Variants in GAB3 observed in about 807,000 individuals in gnomAD.
GAB3 encodes GRB2 associated binding protein 3.
In GAB3, 12 loss-of-function variants were observed where a neutral mutation model predicts 40.4. That is an observed-to-expected ratio of 0.30 (90% CI 0.19 to 0.48). GAB3 has a LOEUF of 0.48. Ranked by LOEUF, GAB3 falls within the 20% of genes least tolerant of loss-of-function variation. The pLI, the probability that GAB3 is intolerant of heterozygous loss-of-function variation, is 0.99. For missense variants in GAB3, 381 were observed against 461.9 expected, an observed-to-expected ratio of 0.82 and a Z score of 1.61; for synonymous variants, 154 against 176.7, an observed-to-expected ratio of 0.87 and a Z score of 1.02.
chrX:154,697,087 G>A (rs782296400), intron 7 of GAB3, 45 bp downstream of exon 7: 51 of 1,018,943 alleles, frequency 5.0e-5, no homozygotes, highest in Non-Finnish European at 6.8e-5. Context: ...AACACACACC[G>A]GGGTGTCTGT....
rs782207841 is a variant in GAB3 at position 154,747,758 on chromosome X, TA to T, written c.72+3195del. On this transcript the variant is annotated intron_variant, in intron 1 of 9. Coordinates refer to ENST00000424127, the MANE Select transcript of GAB3 (RefSeq NM_001081573.3). ...GTCAAGGCTGGGTGACAAAGGATCT[TA>T]GGCTAGATGAAGAGTTGTTAGATTT... is the stretch of plus-strand genomic sequence containing the variant. 1.1e-3 allele frequency among the ~76,000 whole-genome samples: 128 copies of T among 112,358 alleles called. No individual in the cohort carries two copies. The Middle Eastern group carries it at 0.037, about 33-fold the overall frequency.
At chrX:154,728,776 C>T (rs2071250466) in intron 1 of GAB3, among the ~76,000 whole-genome samples, 1 of 112,128 alleles carries the variant, frequency 8.9e-6, no homozygotes, top group Non-Finnish European at 1.9e-5. Flanking sequence ...CATCTTGGTC[C>T]CTAAAGTACC....
intron 5 of GAB3, 96 bp downstream of exon 5, chrX:154,699,908 C>G: frequency 1.4e-6 from 1 of 714,212 alleles, no homozygotes; most frequent in Non-Finnish European, 2.2e-6. Context: ...CTCAGAGACT[C>G]AGAGTGCTGA....
At chrX:154,709,863 G>A (rs1161100821) in intron 4 of GAB3, among the ~76,000 whole-genome samples, 3 of 111,623 alleles carry the variant, frequency 2.7e-5, no homozygotes, top group East Asian at 2.8e-4. Context: ...AATACTGCAC[G>A]ATTTCACTTA....
At position 154,716,069 on chromosome X, in the gene GAB3, G is replaced by A. The variant is rs782195752; in HGVS notation, c.333C>T (p.Ser111=). The A allele has an allele frequency of 6.6e-6, 8 of 1,212,179 alleles. No individual in the cohort carries two copies. In the South Asian group the frequency reaches 1.2e-4, roughly 19 times the overall value. The change falls in exon 2 of 10, where the codon AGC becomes AGT. Residue 111 remains serine, a synonymous_variant. Coordinates refer to ENST00000424127, the MANE Select transcript of GAB3 (RefSeq NM_001081573.3). ...GGCCAAGGTTGCAGACCTGACTGAT[G>A]CTGTGCACCCACACCTGCATTTCTT... is the stretch of plus-strand genomic sequence containing the variant. The part of the protein sequence containing the change: ...TEQEMQVWVH[S]ISQVCNLGHL...
At chrX:154,709,477 C>CG (rs1557254953) in intron 4 of GAB3, among the ~76,000 whole-genome samples, 33 of 109,418 alleles carry the variant, frequency 3.0e-4, no homozygotes, top group Admixed American at 9.8e-5. Context: ...CCCGCCACCA[C>CG]ACTGGGTAAT....
chrX:154,728,915 G>A (rs1328985630), intron 1 of GAB3, among the ~76,000 whole-genome samples: 6 of 112,115 alleles, frequency 5.4e-5, no homozygotes, highest in Admixed American at 9.4e-5. Flanking sequence ...TTCAGTATTG[G>A]TTTCAGTGGT....
chrX:154,741,696 A>AAT (rs61095751), intron 1 of GAB3, among the ~76,000 whole-genome samples: 1 of 107,931 alleles, frequency 9.3e-6, no homozygotes. Flanking sequence ...AAAAAAAAAA[A>AAT]GGAAAAGAGG....
Position 154,716,017 on chromosome X carries a change from C to A in GAB3, c.376+9G>T. ...CCTTAGCACATGGGAGCCCCAACTC[C>A]GCTCTTACCTGCACCATCCTCCAGG... On this transcript the variant is annotated intron_variant, in intron 2 of 9. Transcript: ENST00000424127. The A allele has an allele frequency of 8.3e-7, 1 of 1,200,587 alleles. No homozygotes were observed. Among genetic ancestry groups the A allele is most frequent in the Non-Finnish European group, 1.1e-6 (1 of 888,243 alleles).
At chrX:154,679,001 A>G (rs782425290) in intron 9 of GAB3, 1 of 251,450 alleles carries the variant, frequency 4.0e-6, no homozygotes, top group African/African-American at 2.9e-5. Flanking sequence ...TTATTAAAAA[A>G]TAAAAAACAG....
chrX:154,685,107 T>C (rs1004034518), intron 8 of GAB3, among the ~76,000 whole-genome samples: 3 of 112,310 alleles, frequency 2.7e-5, no homozygotes, highest in Admixed American at 9.5e-5. Context: ...CTTGTTTTTA[T>C]TTCTACAAGT....
Position 154,715,955 on chromosome X carries a change from C to T in GAB3, c.376+71G>A, listed in dbSNP as rs6571263. The T allele has an allele frequency of 9.1e-3, 9,303 of 1,021,492 alleles. 521 individuals are homozygous for T. In the African/African-American group the frequency reaches 0.16, roughly 17 times the overall value. 84.2% of individuals were successfully genotyped at this position (1,021,492 alleles called of 1,213,427 possible). A position where few individuals can be genotyped will look rare whatever the true frequency, so the allele number is the denominator to read the frequency against. On this transcript the variant is annotated intron_variant, in intron 2 of 9. Transcript: ENST00000424127. ...AAGGAGGCAGGCTTGGCATCTTGAA[C>T]TGTTTTTCTGCAGTAACCCTCCAGT...
intron 1 of GAB3, among the ~76,000 whole-genome samples, chrX:154,729,529 C>T (rs1262592472): frequency 1.8e-5 from 2 of 111,624 alleles, no homozygotes; most frequent in Non-Finnish European, 3.8e-5. Flanking sequence ...GTGGCAGTAG[C>T]AGACAAGTTG....
intron 1 of GAB3, among the ~76,000 whole-genome samples, chrX:154,716,875 A>G (rs2071054540): frequency 8.9e-6 from 1 of 111,951 alleles, no homozygotes; most frequent in East Asian, 2.8e-4. Flanking sequence ...ATTGTCTTCC[A>G]TAAAACCCCC....
chrX:154,687,919 G>A (rs2070484040), intron 8 of GAB3, among the ~76,000 whole-genome samples: 1 of 112,057 alleles, frequency 8.9e-6, no homozygotes, highest in Non-Finnish European at 1.9e-5. Context: ...ATTCAATGAA[G>A]AAAGGATTAT....
chrX:154,741,752 A>G (rs2071445910), intron 1 of GAB3, among the ~76,000 whole-genome samples: 2 of 110,542 alleles, frequency 1.8e-5, no homozygotes, highest in African/African-American at 6.6e-5. Context: ...GGGAGGCCTC[A>G]GGAAATGTAC....
At chrX:154,741,650 T>C (rs1405537086) in intron 1 of GAB3, among the ~76,000 whole-genome samples, 1 of 83,242 alleles carries the variant, frequency 1.2e-5, no homozygotes, top group East Asian at 3.6e-4. Context: ...CACTCTAGCC[T>C]GGGCAACAGA....
In GAB3 at chrX:154,699,305, G is replaced by A; in HGVS notation, c.1334C>T (p.Pro445Leu). The A allele has an allele frequency of 9.9e-6, 12 of 1,207,654 alleles. No individual in the cohort carries two copies. The highest frequency in any genetic ancestry group is 1.3e-5 in the Non-Finnish European group (12 of 891,856). Residue 445 changes from proline (P) to leucine (L), a missense_variant, in exon 6 of 10, where the codon CCT (proline) becomes CTT (leucine). Transcript: ENST00000424127. The stretch of plus-strand genomic sequence containing the variant: ...GGTCAAGTGCTTACATTTCCTCTGA[G>A]GCTTGAGATCTCTATTCACTGGGGG... The part of the protein sequence containing the change: ...EPPPVNRDLK[P>L]QRKSRPPPLD...
chrX:154,683,126 C>T (rs1424160111), intron 8 of GAB3, among the ~76,000 whole-genome samples: 3 of 112,203 alleles, frequency 2.7e-5, no homozygotes, highest in Middle Eastern at 4.6e-3. Flanking sequence ...TACTTACGAG[C>T]GAAAGACCAA....
Sources: allele counts gnomAD v4.1 joint callset (sites outside exome capture counted in the v4.1 genomes callset), GRCh38; gene constraint gnomAD v4.1.1; transcripts MANE v1.5; gene names NCBI Gene and HGNC (gene_info 2026-07-23, HGNC 2026-07-21).